The following PACS1 variants were observed in gnomAD, a reference collection of about 807,000 sequenced individuals.
PACS1 encodes the protein phosphofurin acidic cluster sorting protein 1.
In PACS1, 24 loss-of-function variants were observed where a neutral mutation model predicts 115.0. The ratio of observed to expected loss-of-function variants is 0.21; its 90% confidence interval spans 0.15 to 0.29. The LOEUF is 0.29. Among genes scored for constraint, PACS1 ranks in the 10% least tolerant of loss-of-function variants. PACS1 has a pLI of 1.00. For missense variants in PACS1, 838 were observed against 1,251.2 expected, an observed-to-expected ratio of 0.67 and a Z score of 4.98; for synonymous variants, 453 against 504.5, an observed-to-expected ratio of 0.90 and a Z score of 1.37.
rs367896913 is a variant in PACS1 at position 66,073,898 on chromosome 11, A to G, written c.356+3056A>G. On this transcript the variant is annotated intron_variant, in intron 1 of 23. Coordinates refer to ENST00000320580, the MANE Select transcript of PACS1 (RefSeq NM_018026.4). ...CTCCCAAGTAGCTGGGACTATAGGCATGTGACATCACACCTGGCTTTTTTT... is the reference window on the plus strand; with the variant it reads ...CTCCCAAGTAGCTGGGACTATAGGCGTGTGACATCACACCTGGCTTTTTTT... Among the ~76,000 whole-genome samples the G allele has an allele frequency of 8.3e-5, 12 of 144,118 alleles. No individual in the cohort carries two copies. In the East Asian group the frequency reaches 2.0e-3, roughly 24 times the overall value. 94.5% of individuals were successfully genotyped at this position (144,118 alleles called of 152,430 possible).
chr11:66,136,166 C>G (rs1434128697), intron 1 of PACS1, among the ~76,000 whole-genome samples: 1 of 152,140 alleles, frequency 6.6e-6, no homozygotes, highest in Admixed American at 6.5e-5. Context: ...ACTCAACCCT[C>G]CAGCACTAAT....
At position 66,173,832 on chromosome 11, in the gene PACS1, C is replaced by T. The variant is rs552217225; in HGVS notation, c.357-19654C>T. ...CTTTGGGATGCCAAGGTGGGCAGAA[C>T]ACCTAAGGTCAGGAGTTCGAGACCA... On this transcript the variant is annotated intron_variant, in intron 1 of 23. Transcript: ENST00000320580. Among the ~76,000 whole-genome samples the T allele has an allele frequency of 1.2e-4, 19 of 152,300 alleles. No individual in the cohort carries two copies. In the East Asian group the frequency reaches 3.7e-3, roughly 29 times the overall value.
At chr11:66,221,882 A>G (rs1350193494) in intron 10 of PACS1, among the ~76,000 whole-genome samples, 1 of 152,138 alleles carries the variant, frequency 6.6e-6, no homozygotes, top group Non-Finnish European at 1.5e-5. Flanking sequence ...TTGGGAGGCC[A>G]GGGCGGGTGG....
At chr11:66,163,697 T>C (rs1859539780) in intron 1 of PACS1, among the ~76,000 whole-genome samples, 1 of 152,218 alleles carries the variant, frequency 6.6e-6, no homozygotes, top group African/African-American at 2.4e-5. Flanking sequence ...ATTTTCTGTC[T>C]GTGAAGTCCT....
rs79962472 is a variant in PACS1, at chr11:66,165,901, A to G, written c.357-27585A>G. Among the ~76,000 whole-genome samples, 294 of 152,148 alleles carry G rather than the reference A, an allele frequency of 1.9e-3. 1 individual carries two copies. In the East Asian group the frequency reaches 0.028, roughly 14 times the overall value. On this transcript the variant is annotated intron_variant, in intron 1 of 23. Transcript: ENST00000320580. ...TTCCACACTTAAATCCAGCTTTACTACTGCTTCAGAACAAACTTCTTCCTG... is the reference window on the plus strand; with the variant it reads ...TTCCACACTTAAATCCAGCTTTACTGCTGCTTCAGAACAAACTTCTTCCTG...
chr11:66,158,578 C>T (rs1284956152), intron 1 of PACS1, among the ~76,000 whole-genome samples: 3 of 152,110 alleles, frequency 2.0e-5, no homozygotes, highest in Non-Finnish European at 4.4e-5. Context: ...GGGCACACCC[C>T]TAGTTCTAAG....
chr11:66,210,520 C>G (rs1200135994), intron 3 of PACS1, 69 bp downstream of exon 3: 1 of 1,114,056 alleles, frequency 9.0e-7, no homozygotes, highest in Non-Finnish European at 1.4e-6. Context: ...GTCCTCTAAC[C>G]CAGAGACTGT....
In PACS1 at chr11:66,087,390, C is replaced by T. The variant is rs147313654; in HGVS notation, c.356+16548C>T. 8.5e-3 allele frequency among the ~76,000 whole-genome samples: 1,287 copies of T among 152,130 alleles called. 7 individuals are homozygous for T. Among genetic ancestry groups the T allele is most frequent in the Non-Finnish European group, 0.015 (1,019 of 67,986 alleles). On this transcript the variant is annotated intron_variant, in intron 1 of 23. Transcript: ENST00000320580. ...CCCTGTAGCTGGGATTACAGGCATG[C>T]GCTACCATGCCCCGCTAATTTTTTG... is the stretch of plus-strand genomic sequence containing the variant.
In PACS1 at chr11:66,100,294, A is replaced by G. The variant is rs138451699; in HGVS notation, c.356+29452A>G. Among the ~76,000 whole-genome samples the G allele has an allele frequency of 5.1e-3, 771 of 152,250 alleles. 5 individuals carry two copies. The highest frequency in any genetic ancestry group is 0.017 in the African/African-American group (716 of 41,536). ...TTGCATGTTTGTAAGTACCTCTTCC[A>G]AGAGGTACTTGGAAGAAACCTGGCT... On this transcript the variant is annotated intron_variant, in intron 1 of 23. Transcript: ENST00000320580.
chr11:66,083,784 A>G (rs764326885), intron 1 of PACS1, among the ~76,000 whole-genome samples: 2 of 151,380 alleles, frequency 1.3e-5, no homozygotes, highest in East Asian at 1.9e-4. Context: ...AATGTGGAGG[A>G]AAAAAAAAGC....
At chr11:66,095,017 C>T (rs1406114571) in intron 1 of PACS1, among the ~76,000 whole-genome samples, 2 of 149,298 alleles carry the variant, frequency 1.3e-5, no homozygotes, top group Non-Finnish European at 3.0e-5. Flanking sequence ...TAAAAACTCT[C>T]AATAAATTAG....
At chr11:66,115,853 C>T (rs746438230) in intron 1 of PACS1, among the ~76,000 whole-genome samples, 7 of 152,194 alleles carry the variant, frequency 4.6e-5, no homozygotes, top group Non-Finnish European at 2.9e-5. Flanking sequence ...AGCACGAAGG[C>T]GTTGCAGTTG....
At chr11:66,088,633 C>G (rs974828984) in intron 1 of PACS1, among the ~76,000 whole-genome samples, 1 of 152,186 alleles carries the variant, frequency 6.6e-6, no homozygotes, top group African/African-American at 2.4e-5. Context: ...ATCAATGCCG[C>G]CCTGTCTCCG....
chr11:66,217,263 C>A (rs1389343564), intron 7 of PACS1: 2 of 301,314 alleles, frequency 6.6e-6, no homozygotes, highest in Non-Finnish European at 1.3e-5. Context: ...CCTGCCTTAA[C>A]GGATCCATAA....
intron 1 of PACS1, among the ~76,000 whole-genome samples, chr11:66,110,758 G>T (rs951081855): frequency 6.6e-6 from 1 of 151,966 alleles, no homozygotes; most frequent in Non-Finnish European, 1.5e-5. Flanking sequence ...TAGTAGAGAC[G>T]GGGTTTTGCC....
At chr11:66,230,102 G>A (rs551092792) in intron 11 of PACS1, among the ~76,000 whole-genome samples, 5 of 145,434 alleles carry the variant, frequency 3.4e-5, no homozygotes, top group African/African-American at 1.0e-4. Context: ...CAACGGAGAT[G>A]CAGGTGGCTT....
chr11:66,134,720 GC>G (rs1858803265), intron 1 of PACS1, among the ~76,000 whole-genome samples: 1 of 152,060 alleles, frequency 6.6e-6, no homozygotes, highest in Non-Finnish European at 1.5e-5. Context: ...GACCGATGGT[GC>G]CCCCTGATGG....
At chr11:66,099,417 G>C (rs1408052984) in intron 1 of PACS1, among the ~76,000 whole-genome samples, 1 of 151,238 alleles carries the variant, frequency 6.6e-6, no homozygotes, top group Non-Finnish European at 1.5e-5. Flanking sequence ...GTAGAGATGG[G>C]GTTTCACTGT....
chr11:66,070,960 C>G lies in PACS1; in HGVS notation c.356+118C>G. 5 of 1,079,774 alleles carry G rather than the reference C, an allele frequency of 4.6e-6. No homozygotes were observed. Among genetic ancestry groups the G allele is most frequent in the Non-Finnish European group, 6.1e-6 (5 of 820,162 alleles). 66.9% of individuals were successfully genotyped at this position (1,079,774 alleles called of 1,614,324 possible). ...CTCCATCTCCCCGACTGTCCCGCGG[C>G]CCGGCCTGGCTCCAGCCAGGCCTCC... is the stretch of plus-strand genomic sequence containing the variant. On this transcript the variant is annotated intron_variant, in intron 1 of 23. Coordinates refer to ENST00000320580, the MANE Select transcript of PACS1 (RefSeq NM_018026.4). This position sits in a 1 kb window ranked among gnomAD's most constrained non-coding sequence, Gnocchi z 5.9.
Sources: allele counts gnomAD v4.1 joint callset (sites outside exome capture counted in the v4.1 genomes callset), GRCh38; gene constraint gnomAD v4.1.1; non-coding constraint Gnocchi (gnomAD v3.1); transcripts MANE v1.5; gene names NCBI Gene and HGNC (gene_info 2026-07-23, HGNC 2026-07-21).